The following MMP16 variants were observed in gnomAD, a reference collection of about 807,000 sequenced individuals.
MMP16 encodes matrix metalloproteinase-16.
MMP16 carries 12 observed loss-of-function variants against 67.8 expected under a neutral mutation model. The ratio of observed to expected loss-of-function variants is 0.18; its 90% CI spans 0.11 to 0.29. MMP16 has a LOEUF of 0.29. MMP16 is among the 10% of genes least tolerant of loss of function. The pLI is 1.00. For missense variants in MMP16, 475 were observed against 765.7 expected (o/e 0.62, Z 4.48); for synonymous variants, 249 against 255.9 (o/e 0.97, Z 0.26).
At chr8:88,140,913 G>A (rs1165497809) in intron 4 of MMP16, among the ~76,000 whole-genome samples, 2 of 152,058 alleles carry the variant, frequency 1.3e-5, no homozygotes, top group Admixed American at 6.6e-5. Flanking sequence ...AAAACAAAAG[G>A]AGGTTCTATG....
intron 1 of MMP16, among the ~76,000 whole-genome samples, chr8:88,204,858 T>C (rs763806531): frequency 6.6e-6 from 1 of 152,214 alleles, no homozygotes; most frequent in Non-Finnish European, 1.5e-5. Context: ...ATTCTGACTA[T>C]GACAATTCTC....
chr8:88,238,251 G>C (rs371379385), intron 1 of MMP16, among the ~76,000 whole-genome samples: 1 of 152,110 alleles, frequency 6.6e-6, no homozygotes, highest in East Asian at 1.9e-4. Flanking sequence ...AGTGTCTCAC[G>C]CCTGTAATCC....
intron 1 of MMP16, among the ~76,000 whole-genome samples, chr8:88,229,007 A>G (rs118060266): frequency 5.2e-4 from 79 of 151,928 alleles, no homozygotes; most frequent in Non-Finnish European, 1.0e-3. Flanking sequence ...GAAAATAAAA[A>G]AAAAAATGTT....
At chr8:88,232,455 C>G (rs112969236) in intron 1 of MMP16, among the ~76,000 whole-genome samples, 5 of 152,128 alleles carry the variant, frequency 3.3e-5, no homozygotes, top group African/African-American at 1.2e-4. Context: ...TTGGAGAGCT[C>G]TCATTACTAT....
intron 1 of MMP16, among the ~76,000 whole-genome samples, chr8:88,295,678 C>A (rs2130029456): frequency 6.6e-6 from 1 of 152,136 alleles, no homozygotes; most frequent in South Asian, 2.1e-4. Context: ...ATCTAATAAA[C>A]ATGGTGGTTT....
intron 4 of MMP16, among the ~76,000 whole-genome samples, chr8:88,162,291 A>T (rs1399462769): frequency 1.3e-5 from 2 of 152,038 alleles, no homozygotes; most frequent in African/African-American, 4.8e-5. Context: ...TTGTAAAATG[A>T]AATAGACTCA....
intron 1 of MMP16, among the ~76,000 whole-genome samples, chr8:88,267,012 G>A (rs886557064): frequency 3.3e-5 from 5 of 152,138 alleles, no homozygotes; most frequent in African/African-American, 9.7e-5. Context: ...GAAGGAAGAT[G>A]TTGGTGTGAT....
chr8:88,272,468 A>G (rs1451453184), intron 1 of MMP16, among the ~76,000 whole-genome samples: 1 of 152,194 alleles, frequency 6.6e-6, no homozygotes, highest in Non-Finnish European at 1.5e-5. Context: ...AAATGATCAT[A>G]AACAGTGAAA....
At chr8:88,102,026 T>C (rs1351921917) in intron 6 of MMP16, among the ~76,000 whole-genome samples, 1 of 151,860 alleles carries the variant, frequency 6.6e-6, no homozygotes, top group East Asian at 2.0e-4. Context: ...TTTGTCCTTA[T>C]GAGAAAAGAC....
At position 88,197,087 on chromosome 8, in the gene MMP16, T is replaced by C. The variant is rs1809267896; in HGVS notation, c.281+71A>G. ...CTCCATTTCTGGTTGGTGGAGTTCA[T>C]ATAAAGTTTTCCAGACTACTTAGTT... is the stretch of plus-strand genomic sequence containing the variant. On this transcript the variant is annotated intron_variant, in intron 2 of 9. Transcript: ENST00000286614. The C allele has an allele frequency of 5.5e-6, 8 of 1,456,528 alleles. No individual in the cohort carries two copies. In the South Asian group the frequency reaches 9.2e-5, roughly 17 times the overall value. The allele number at this position is 1,456,528 out of a possible 1,614,324, so 90.2% of individuals were successfully genotyped here.
chr8:88,271,064 G>A (rs7833834), intron 1 of MMP16, among the ~76,000 whole-genome samples: 16,568 of 152,122 alleles, frequency 0.11, 1,101 homozygotes, highest in South Asian at 0.18. Context: ...ACTTAATTTG[G>A]GTTTTAGAGT....
intron 1 of MMP16, among the ~76,000 whole-genome samples, chr8:88,212,718 T>C (rs1809531340): frequency 6.6e-6 from 1 of 152,152 alleles, no homozygotes; most frequent in Admixed American, 6.6e-5. Flanking sequence ...TCCTGTTTTC[T>C]ACTCTCTGAT....
intron 6 of MMP16, among the ~76,000 whole-genome samples, chr8:88,091,404 T>A (rs1182933808): frequency 1.3e-5 from 2 of 151,866 alleles, no homozygotes; most frequent in Non-Finnish European, 2.9e-5. Flanking sequence ...GTTAATGCTC[T>A]TCCATTCAAC....
intron 7 of MMP16, among the ~76,000 whole-genome samples, chr8:88,068,460 T>C (rs1563522370): frequency 6.6e-6 from 1 of 152,114 alleles, no homozygotes; most frequent in Non-Finnish European, 1.5e-5. Flanking sequence ...ATCTAAGAAA[T>C]TTTTGCACAG....
At chr8:88,148,496 T>C (rs1195749857) in intron 4 of MMP16, among the ~76,000 whole-genome samples, 6 of 152,248 alleles carry the variant, frequency 3.9e-5, no homozygotes, top group Non-Finnish European at 7.3e-5. Flanking sequence ...GGGAGCTGTG[T>C]ATGTATGTGT....
intron 3 of MMP16, 114 bp downstream of exon 3, chr8:88,186,362 T>G: frequency 7.3e-7 from 1 of 1,371,214 alleles, no homozygotes; most frequent in Non-Finnish European, 1.0e-6. Flanking sequence ...TATGTTAACA[T>G]TATATCCCTA....
At chr8:88,293,992 C>T (rs1810965219) in intron 1 of MMP16, among the ~76,000 whole-genome samples, 1 of 151,814 alleles carries the variant, frequency 6.6e-6, no homozygotes, top group Admixed American at 6.6e-5. Context: ...CTAGACCAAC[C>T]ATCAGTCCAA....
chr8:88,299,785 T>C (rs912766790), intron 1 of MMP16, among the ~76,000 whole-genome samples: 2 of 152,218 alleles, frequency 1.3e-5, no homozygotes, highest in African/African-American at 4.8e-5. Context: ...TTTAACCTCC[T>C]GTGAGTCTAT....
At chr8:88,239,309 A>AAAAG (rs1554587889) in intron 1 of MMP16, among the ~76,000 whole-genome samples, 11 of 151,306 alleles carry the variant, frequency 7.3e-5, no homozygotes, top group Non-Finnish European at 1.0e-4. Flanking sequence ...AAAAAAAAAA[A>AAAAG]AAAAAGAAAA....
Sources: allele counts gnomAD v4.1 joint callset (sites outside exome capture counted in the v4.1 genomes callset), GRCh38; gene constraint gnomAD v4.1.1; transcripts MANE v1.5; gene names NCBI Gene and HGNC (gene_info 2026-07-23, HGNC 2026-07-21).